The following GRAP2 variants were observed in gnomAD, a reference collection of about 807,000 sequenced individuals.
GRAP2 encodes GRB2-related adapter protein 2.
In GRAP2, 31 loss-of-function variants were observed where a neutral mutation model predicts 43.5. The ratio of observed to expected loss-of-function variants is 0.71; its 90% CI spans 0.54 to 0.96. The LOEUF is 0.96. Among genes scored for constraint, GRAP2 ranks in the 40% least tolerant of loss-of-function variants. GRAP2 has a pLI of 0.00. For missense variants in GRAP2, 371 were observed against 424.4 expected (o/e 0.87, Z 1.11); for synonymous variants, 156 against 164.8 (o/e 0.95, Z 0.41).
intron 4 of GRAP2, among the ~76,000 whole-genome samples, chr22:39,965,402 ACT>A: frequency 6.6e-6 from 1 of 152,112 alleles, no homozygotes; most frequent in East Asian, 1.9e-4. Flanking sequence ...ACAAACAAAA[ACT>A]CTGTATTTCA....
chr22:39,924,811 C>T (rs2066683555), intron 1 of GRAP2, among the ~76,000 whole-genome samples: 1 of 152,166 alleles, frequency 6.6e-6, no homozygotes, highest in Non-Finnish European at 1.5e-5. Flanking sequence ...AGGCTGGGTT[C>T]CCATCCTCTG....
chr22:39,904,607 A>G (rs981604234), intron 1 of GRAP2, among the ~76,000 whole-genome samples: 11 of 152,226 alleles, frequency 7.2e-5, no homozygotes, highest in Admixed American at 7.2e-4. Flanking sequence ...ATCTAAGAAT[A>G]AAGGCATTCC....
intron 2 of GRAP2, 63 bp downstream of exon 2, chr22:39,947,247 C>A: frequency 1.2e-6 from 1 of 820,336 alleles, no homozygotes; most frequent in South Asian, 1.3e-5. Flanking sequence ...ATCTGACAGT[C>A]CCTGCCTTTG....
chr22:39,951,376 T>G (rs2066980435), intron 2 of GRAP2, among the ~76,000 whole-genome samples: 1 of 152,244 alleles, frequency 6.6e-6, no homozygotes. Flanking sequence ...GTAATGCAGC[T>G]AATGCGACCT....
chr22:39,941,056 C>T (rs1426311310), intron 1 of GRAP2, among the ~76,000 whole-genome samples: 1 of 152,160 alleles, frequency 6.6e-6, no homozygotes, highest in Non-Finnish European at 1.5e-5. Flanking sequence ...GTCAGGGCAC[C>T]TCTGAGTGGG....
chr22:39,900,895 A>G (rs1348676615), upstream of GRAP2, among the ~76,000 whole-genome samples: 1 of 152,238 alleles, frequency 6.6e-6, no homozygotes, highest in African/African-American at 2.4e-5. Flanking sequence ...AAATTTTCTT[A>G]TGTGAACACA....
rs1479589986 is a variant in GRAP2, at chr22:39,901,315, C to G, written c.-30C>G. The G allele has an allele frequency of 8.1e-7, 1 of 1,237,838 alleles. No individual in the cohort carries two copies. Among genetic ancestry groups the G allele is most frequent in the Non-Finnish European group, 1.1e-6 (1 of 941,916 alleles). 76.7% of individuals were successfully genotyped at this position (1,237,838 alleles called of 1,614,324 possible). A position where few individuals can be genotyped will look rare whatever the true frequency, so the allele number is the denominator to read the frequency against. The stretch of plus-strand genomic sequence containing the variant: ...TCAAAGCCAAGACATAAACTCAACC[C>G]CTTCTCTTCCAAAAGGTATGTCATT... On this transcript the variant is annotated 5_prime_UTR_variant, in exon 1 of 8. Coordinates refer to ENST00000344138, the MANE Select transcript of GRAP2 (RefSeq NM_004810.4).
upstream of GRAP2, among the ~76,000 whole-genome samples, chr22:39,900,403 C>T (rs1361282355): frequency 6.6e-6 from 1 of 152,120 alleles, no homozygotes; most frequent in East Asian, 1.9e-4. Context: ...AAAGATGCAA[C>T]GTTGGCAATC....
intron 1 of GRAP2, among the ~76,000 whole-genome samples, chr22:39,932,656 T>C (rs1206033932): frequency 6.7e-6 from 1 of 149,670 alleles, no homozygotes; most frequent in Non-Finnish European, 1.5e-5. Context: ...AGTTGGAGGC[T>C]GCAGTGAGCC....
intron 2 of GRAP2, among the ~76,000 whole-genome samples, chr22:39,950,383 G>T (rs1348267190): frequency 6.6e-6 from 1 of 152,154 alleles, no homozygotes; most frequent in Non-Finnish European, 1.5e-5. Flanking sequence ...TCTCATTGCT[G>T]CCTTTGCCCC....
chr22:39,905,625 G>A (rs2066518210), intron 1 of GRAP2, among the ~76,000 whole-genome samples: 1 of 152,146 alleles, frequency 6.6e-6, no homozygotes, highest in South Asian at 2.1e-4. Context: ...GCCAAGCATT[G>A]TTCTAATACT....
chr22:39,933,870 T>C (rs1170354127), intron 1 of GRAP2, among the ~76,000 whole-genome samples: 1 of 149,862 alleles, frequency 6.7e-6, no homozygotes. Flanking sequence ...GAAAGAAAGT[T>C]GTGTGTCAAA....
rs528277172 is a variant in GRAP2, at chr22:39,952,570, C to T, written c.79-3249C>T. 2.6e-5 allele frequency among the ~76,000 whole-genome samples: 4 copies of T among 152,256 alleles called. No homozygotes were observed. The East Asian group carries it at 5.8e-4, about 22-fold the overall frequency. ...CCTAGATTTTCTGCTTCCTCCCTTG[C>T]CCCCTCAGCACACACATACCCACAT... is the stretch of plus-strand genomic sequence containing the variant. On this transcript the variant is annotated intron_variant, in intron 2 of 7. Coordinates refer to ENST00000344138, the MANE Select transcript of GRAP2 (RefSeq NM_004810.4).
chr22:39,959,536 C>T (rs189887700), intron 3 of GRAP2, among the ~76,000 whole-genome samples: 67 of 152,264 alleles, frequency 4.4e-4, no homozygotes, highest in East Asian at 1.7e-3. Context: ...GGTAACGTGA[C>T]GCCCTGGGCT....
chr22:39,941,879 G>A (rs1464630037), intron 1 of GRAP2, among the ~76,000 whole-genome samples: 5 of 149,830 alleles, frequency 3.3e-5, no homozygotes, highest in Non-Finnish European at 5.9e-5. Flanking sequence ...TTTTTTGTCT[G>A]TTTGTTTTGT....
chr22:39,929,067 T>G (rs919008124), intron 1 of GRAP2, among the ~76,000 whole-genome samples: 1 of 152,196 alleles, frequency 6.6e-6, no homozygotes, highest in African/African-American at 2.4e-5. Context: ...CTCACAGATT[T>G]TTATGTTTTT....
intron 4 of GRAP2, chr22:39,964,130 G>T (rs1455115936): frequency 4.8e-6 from 2 of 418,588 alleles, no homozygotes; most frequent in Non-Finnish European, 8.5e-6. Context: ...TTTATTTTTA[G>T]ATATAAATGT....
At chr22:39,899,362 TC>T (rs2066478514), upstream of GRAP2, among the ~76,000 whole-genome samples, 1 of 152,096 alleles carries the variant, frequency 6.6e-6, no homozygotes, top group Admixed American at 6.5e-5. Context: ...TCGCTCCCAC[TC>T]CCCAACCATA....
intron 3 of GRAP2, among the ~76,000 whole-genome samples, chr22:39,958,571 G>A (rs372732616): frequency 8.5e-5 from 13 of 152,172 alleles, no homozygotes; most frequent in African/African-American, 2.7e-4. Flanking sequence ...ATGAATGAAC[G>A]AACGAATATG....
Sources: gnomAD v4.1 joint callset for allele counts (sites outside exome capture counted in the v4.1 genomes callset) on GRCh38, gnomAD v4.1.1 for gene constraint, MANE v1.5 for transcripts, NCBI Gene and HGNC (gene_info 2026-07-23, HGNC 2026-07-21) for gene names.